The following ZNF285 variants were observed in gnomAD, a reference collection of about 807,000 sequenced individuals.
The protein encoded by ZNF285 is zinc finger protein 285.
In ZNF285, 4 loss-of-function variants were observed where a neutral mutation model predicts 6.2. The ratio of observed to expected loss-of-function variants is 0.65; its 90% confidence interval spans 0.32 to 1.49. The LOEUF (loss-of-function observed/expected upper bound fraction) is 1.49, where lower values mean the gene tolerates loss of function less well. ZNF285 is among the 40% of genes most tolerant of loss of function. The pLI, the probability that ZNF285 is intolerant of heterozygous loss-of-function variation, is 0.07. For synonymous variants in ZNF285, 240 were observed against 245.8 expected (o/e 0.98, Z 0.22); for missense variants, 695 against 708.8 (o/e 0.98, Z 0.22).
intron 3 of ZNF285, among the ~76,000 whole-genome samples, chr19:44,390,315 C>T (rs1971171852): frequency 1.3e-5 from 2 of 152,160 alleles, no homozygotes; most frequent in African/African-American, 2.4e-5. Context: ...CATGGAAACC[C>T]ACCTCTTACA....
rs1971022453 is a variant in ZNF285, at chr19:44,382,731, T to G, written c.*3741A>C. 6.6e-6 allele frequency: 1 copy of G among 152,136 alleles called. No homozygotes were observed. Among genetic ancestry groups the G allele is most frequent in the African/African-American group, 2.4e-5 (1 of 41,432 alleles). 9.4% of individuals were successfully genotyped at this position (152,136 alleles called of 1,614,324 possible). ...GTTTTTATCCTTCTTAAAGAGCAAT[T>G]GTGAAGGCATCCATGTTGGTGAGGG... On this transcript the variant is annotated 3_prime_UTR_variant, in exon 4 of 4. Coordinates refer to ENST00000614994, the MANE Select transcript of ZNF285 (RefSeq NM_152354.6).
rs1254142661 is a variant in ZNF285, at chr19:44,384,484, T to C, written c.*1988A>G. ...TTTCCTCATTTCTACTGACATAGAA[T>C]TTTTAAAATATTTCACTATTATCCA... On this transcript the variant is annotated 3_prime_UTR_variant, in exon 4 of 4. Coordinates refer to ENST00000614994, the MANE Select transcript of ZNF285 (RefSeq NM_152354.6). The C allele has an allele frequency of 6.6e-6, 1 of 152,172 alleles. No individual in the cohort carries two copies. The highest frequency in any genetic ancestry group is 2.4e-5 in the African/African-American group (1 of 41,436). 9.4% of individuals were successfully genotyped at this position (152,172 alleles called of 1,614,324 possible).
In ZNF285 at chr19:44,382,972, A is replaced by G. The variant is rs919101461; in HGVS notation, c.*3500T>C. 2.0e-5 allele frequency: 3 copies of G among 152,168 alleles called. No homozygotes were observed. Among genetic ancestry groups the G allele is most frequent in the Non-Finnish European group, 4.4e-5 (3 of 68,018 alleles). 9.4% of individuals were successfully genotyped at this position (152,168 alleles called of 1,614,324 possible). On this transcript the variant is annotated 3_prime_UTR_variant, in exon 4 of 4. Transcript: ENST00000614994. The stretch of plus-strand genomic sequence containing the variant: ...AGATAGCTCCTCACCTAGGCATCCC[A>G]AAGGGAACTCCCAGAATTACCTTTG...
rs1203196338 is a variant in ZNF285, at chr19:44,386,820, CTGA to C, written c.1422_1424del (p.His474del). The C allele has an allele frequency of 3.7e-6, 6 of 1,614,128 alleles. No individual in the cohort carries two copies. The highest frequency in any genetic ancestry group is 2.2e-5 in the East Asian group (1 of 44,898). ...ATGGTTTTTCTCCAGTGTGAACTCT[CTGA>C]TGAGTGTGAAGAACAGAGCTATACG... On this transcript the variant is annotated inframe_deletion, in exon 4 of 4. Transcript: ENST00000614994.
At position 44,387,154 on chromosome 19, in the gene ZNF285, C is replaced by A. The variant is rs1389547366; in HGVS notation, c.1091G>T (p.Gly364Val). 1 of 1,614,134 alleles carries A rather than the reference C, an allele frequency of 6.2e-7. No homozygotes were observed. Among genetic ancestry groups the A allele is most frequent in the Non-Finnish European group, 8.5e-7 (1 of 1,180,032 alleles). Residue 364 changes from glycine (G) to valine (V), a missense_variant, in exon 4 of 4, where the codon GGA becomes GTA. Coordinates refer to ENST00000614994, the MANE Select transcript of ZNF285 (RefSeq NM_152354.6). Reference sequence around the variant, plus strand: ...ATAGGGCTTTTTCCCTGTGTGTACTCCCTGATGAATACAAAGAAGTGACCT... The same window carrying A: ...ATAGGGCTTTTTCCCTGTGTGTACTACCTGATGAATACAAAGAAGTGACCT... ...GFRSLLCIHQ[G>V]VHTGKKPYKC...
intron 3 of ZNF285, among the ~76,000 whole-genome samples, chr19:44,392,023 T>A (rs1403506380): frequency 6.6e-6 from 1 of 152,064 alleles, no homozygotes; most frequent in Non-Finnish European, 1.5e-5. Flanking sequence ...ATGTGTGAAT[T>A]TTATCAGTCT....
chr19:44,392,618 A>G (rs1449068931), intron 2 of ZNF285, 152 bp from the exon 3 acceptor site: 1 of 1,415,006 alleles, frequency 7.1e-7, no homozygotes. Context: ...TCTAAGATCA[A>G]GTACCACCAA....
chr19:44,388,100 C>A lies in ZNF285; in HGVS notation c.145G>T (p.Asp49Tyr). The A allele has an allele frequency of 6.2e-7, 1 of 1,610,428 alleles. No individual in the cohort carries two copies. The highest frequency in any genetic ancestry group is 8.5e-7 in the Non-Finnish European group (1 of 1,178,150). Residue 49 changes from aspartate to tyrosine, a missense_variant and splice_region_variant, in exon 4 of 4, where the codon GAC becomes TAC. By Grantham distance (160) the Asp-to-Tyr change is radical (BLOSUM62 -3). Transcript: ENST00000614994. ...TTCAAAATGTTGTTTTTAATCCCGT[C>A]TCCTAGGAGAAGAAAGAGAATTTGG... ...ENFRNLMLVR[D>Y]GIKNNILNLQ...
chr19:44,398,593 C>G (rs556280680), intron 1 of ZNF285, among the ~76,000 whole-genome samples: 9 of 152,306 alleles, frequency 5.9e-5, no homozygotes, highest in African/African-American at 2.2e-4. Context: ...AGTTACCCTG[C>G]TATCACTAGC....
intron 2 of ZNF285, 107 bp downstream of exon 2, chr19:44,397,092 A>G: frequency 6.6e-7 from 1 of 1,510,394 alleles, no homozygotes; most frequent in Non-Finnish European, 9.1e-7. Context: ...TAAAGTACCT[A>G]ATACATAGTA....
At chr19:44,397,864 A>G (rs1177313247) in intron 1 of ZNF285, among the ~76,000 whole-genome samples, 1 of 147,448 alleles carries the variant, frequency 6.8e-6, no homozygotes, top group African/African-American at 2.6e-5. Context: ...GGCAACAGAG[A>G]CAGACTTTGT....
In ZNF285 at chr19:44,382,589, G is replaced by A. The variant is rs1007732244; in HGVS notation, c.*3883C>T. 6.6e-6 allele frequency: 1 copy of A among 151,764 alleles called. No individual in the cohort carries two copies. Among genetic ancestry groups the A allele is most frequent in the African/African-American group, 2.4e-5 (1 of 41,222 alleles). 9.4% of individuals were successfully genotyped at this position (151,764 alleles called of 1,614,324 possible). Reference sequence around the variant, plus strand: ...CTGGGATTAGGACTAAGTTTTATAGGGAAAACATGTAAGCTAAGGGTCTGG... The same window carrying A: ...CTGGGATTAGGACTAAGTTTTATAGAGAAAACATGTAAGCTAAGGGTCTGG... On this transcript the variant is annotated 3_prime_UTR_variant, in exon 4 of 4. Coordinates refer to ENST00000614994, the MANE Select transcript of ZNF285 (RefSeq NM_152354.6).
In ZNF285 at chr19:44,390,225, A is replaced by G. The variant is rs554531494; in HGVS notation, c.142+2115T>C. Among the ~76,000 whole-genome samples, 202 of 152,266 alleles carry G rather than the reference A, an allele frequency of 1.3e-3. 2 individuals carry two copies. Among genetic ancestry groups the G allele is most frequent in the African/African-American group, 3.9e-3 (163 of 41,520 alleles). ...TCACTGGGTGCCCAGAAAAGCCACAAACACTCAACACCAGCCCATGAAAGC... is the reference window on the plus strand; with the variant it reads ...TCACTGGGTGCCCAGAAAAGCCACAGACACTCAACACCAGCCCATGAAAGC... On this transcript the variant is annotated intron_variant, in intron 3 of 3. Transcript: ENST00000614994.
chr19:44,399,792 G>A (rs145400871), intron 1 of ZNF285, among the ~76,000 whole-genome samples: 1 of 151,798 alleles, frequency 6.6e-6, no homozygotes, highest in Non-Finnish European at 1.5e-5. Flanking sequence ...TTGGCTCGGG[G>A]TAAGGAAATC....
At position 44,386,625 on chromosome 19, in the gene ZNF285, A is replaced by G. The variant is rs1971077608; in HGVS notation, c.1620T>C (p.Tyr540=). 1.9e-6 allele frequency: 3 copies of G among 1,614,144 alleles called. No homozygotes were observed. In the East Asian group the frequency reaches 6.7e-5, roughly 36 times the overall value. ...AGCCCTTACCACATGCCTTACACTTATAGGGCCTCTCTCCTGTGTGGACTC... is the reference window on the plus strand; with the variant it reads ...AGCCCTTACCACATGCCTTACACTTGTAGGGCCTCTCTCCTGTGTGGACTC... ...HLRVHTGERP[Y]KCKACGKGFS... The change falls in exon 4 of 4, where the codon TAT becomes TAC. Residue 540 remains tyrosine (Y), a synonymous_variant. Coordinates refer to ENST00000614994, the MANE Select transcript of ZNF285 (RefSeq NM_152354.6).
Position 44,384,257 on chromosome 19 carries a change from T to C in ZNF285, c.*2215A>G, listed in dbSNP as rs988688475. On this transcript the variant is annotated 3_prime_UTR_variant, in exon 4 of 4. Transcript: ENST00000614994. The stretch of plus-strand genomic sequence containing the variant: ...CTTCAGGTTGTTTACAGTCTTCTCA[T>C]TGCAAAATTCTTAGAACATATTTCT... 4 of 152,230 alleles carry C rather than the reference T, an allele frequency of 2.6e-5. No homozygotes were observed. Among genetic ancestry groups the C allele is most frequent in the Admixed American group, 6.5e-5 (1 of 15,274 alleles). 9.4% of individuals were successfully genotyped at this position (152,230 alleles called of 1,614,324 possible). A position where few individuals can be genotyped will look rare whatever the true frequency, so the allele number is the denominator to read the frequency against.
At chr19:44,400,953 GTTTC>G (rs1971365412) in intron 1 of ZNF285, among the ~76,000 whole-genome samples, 1 of 152,064 alleles carries the variant, frequency 6.6e-6, no homozygotes, top group South Asian at 2.1e-4. Context: ...AGTCTGAGTT[GTTTC>G]TTTATTGCCA....
intron 1 of ZNF285, among the ~76,000 whole-genome samples, chr19:44,399,788 C>T (rs2954712): frequency 8.6e-5 from 13 of 151,330 alleles, no homozygotes; most frequent in African/African-American, 2.9e-4. Flanking sequence ...GGTGTTGGCT[C>T]GGGGTAAGGA....
Position 44,390,735 on chromosome 19 carries a change from G to A in ZNF285, c.142+1605C>T, listed in dbSNP as rs143611616. On this transcript the variant is annotated intron_variant, in intron 3 of 3. Coordinates refer to ENST00000614994, the MANE Select transcript of ZNF285 (RefSeq NM_152354.6). ...CCCCACCCAAATCTCATCTTGAATT[G>A]TAACTCCCAAAATTCCCATGTGTCA... Among the ~76,000 whole-genome samples, 1,250 of 152,028 alleles carry A rather than the reference G, an allele frequency of 8.2e-3. 19 individuals carry two copies. The highest frequency in any genetic ancestry group is 0.027 in the African/African-American group (1,100 of 41,394).
Sources: allele counts gnomAD v4.1 joint callset (sites outside exome capture counted in the v4.1 genomes callset), GRCh38; gene constraint gnomAD v4.1.1; transcripts MANE v1.5; gene names NCBI Gene and HGNC (gene_info 2026-07-23, HGNC 2026-07-21).